Variants in KCNQ1 observed in about 807,000 individuals in gnomAD.
KCNQ1 encodes potassium voltage-gated channel subfamily KQT member 1.
A neutral mutation model predicts 72.4 loss-of-function variants in KCNQ1; 49 were observed. The ratio of observed to expected loss-of-function variants is 0.68; its 90% confidence interval spans 0.54 to 0.86. The LOEUF is 0.86. KCNQ1 is among the 40% of genes least tolerant of loss of function. The pLI is 0.00. For missense variants in KCNQ1, 790 were observed against 945.1 expected, an observed-to-expected ratio of 0.84 and a Z score of 2.15; for synonymous variants, 450 against 412.6, an observed-to-expected ratio of 1.09 and a Z score of -1.10.
At chr11:2,540,427 T>C (rs1210828476) in intron 2 of KCNQ1, among the ~76,000 whole-genome samples, 1 of 152,200 alleles carries the variant, frequency 6.6e-6, no homozygotes, top group Non-Finnish European at 1.5e-5. Flanking sequence ...CCCAGCCCCC[T>C]GTTCAGGGCC....
intron 10 of KCNQ1, chr11:2,618,239 G>A (rs948117209): frequency 5.0e-6 from 2 of 398,220 alleles, no homozygotes; most frequent in Admixed American, 4.4e-5. Flanking sequence ...GCTTCCCGGG[G>A]CCACACTGTA....
chr11:2,463,418 AG>A lies in KCNQ1; in HGVS notation c.386+17936del, dbSNP rs1303421073. Among the ~76,000 whole-genome samples, 1 of 152,170 alleles carries A rather than the reference AG, an allele frequency of 6.6e-6. No homozygotes were observed. Reference sequence around the variant, plus strand: ...AGCTGCACGGAGGCGCAGCACCCACAGGACAAGTGGTGGAATGTTCTGGTTG... The same window carrying A: ...AGCTGCACGGAGGCGCAGCACCCACAGACAAGTGGTGGAATGTTCTGGTTG... On this transcript the variant is annotated intron_variant, in intron 1 of 15. Coordinates refer to ENST00000155840, the MANE Select transcript of KCNQ1 (RefSeq NM_000218.3). The surrounding 1 kb of genome is among the most constrained non-coding windows in gnomAD (Gnocchi z 7.0).
intron 10 of KCNQ1, chr11:2,660,077 C>T (rs1021121831): frequency 3.0e-5 from 12 of 398,226 alleles, no homozygotes; most frequent in African/African-American, 1.4e-4. Flanking sequence ...TTTTCTCTTA[C>T]GAGTTAAACT....
intron 10 of KCNQ1, chr11:2,643,723 T>G: frequency 2.5e-6 from 1 of 398,560 alleles, no homozygotes. Context: ...TTTCATGAAG[T>G]TGTCCTTTCA....
intron 11 of KCNQ1, chr11:2,667,495 C>T (rs976838160): frequency 3.5e-5 from 14 of 398,190 alleles, no homozygotes; most frequent in African/African-American, 1.2e-4. Flanking sequence ...AGAACATTCA[C>T]GCCACAGAGG....
chr11:2,768,424 C>A lies in KCNQ1; in HGVS notation c.1515-420C>A, dbSNP rs908908160. On this transcript the variant is annotated intron_variant, in intron 11 of 15. Coordinates refer to ENST00000155840, the MANE Select transcript of KCNQ1 (RefSeq NM_000218.3). The surrounding 1 kb of genome is among the most constrained non-coding windows in gnomAD (Gnocchi z 6.7). ...CTGTTTGTGGGGCTACAGGACACAG[C>A]AGCTGAAAGGGGCTGTGGGCATCGC... 6.6e-6 allele frequency among the ~76,000 whole-genome samples: 1 copy of A among 152,150 alleles called. No homozygotes were observed. The highest frequency in any genetic ancestry group is 2.4e-5 in the African/African-American group (1 of 41,440).
In KCNQ1 at chr11:2,803,389, G is replaced by A. The variant is rs564737145; in HGVS notation, c.1794+25352G>A. Among the ~76,000 whole-genome samples, 6 of 152,338 alleles carry A rather than the reference G, an allele frequency of 3.9e-5. No homozygotes were observed. The highest frequency in any genetic ancestry group is 1.4e-4 in the African/African-American group (6 of 41,578). On this transcript the variant is annotated intron_variant, in intron 15 of 15. Coordinates refer to ENST00000155840, the MANE Select transcript of KCNQ1 (RefSeq NM_000218.3). The surrounding 1 kb of genome is among the most constrained non-coding windows in gnomAD (Gnocchi z 6.4). ...TGGAGGATGTGGCAGAGTTCCCATGGTGTGTGTAGAATGATATTCCCTCCA... is the reference window on the plus strand; with the variant it reads ...TGGAGGATGTGGCAGAGTTCCCATGATGTGTGTAGAATGATATTCCCTCCA...
At position 2,669,068 on chromosome 11, in the gene KCNQ1, C is replaced by A; in HGVS notation, c.1514+6987C>A. The stretch of plus-strand genomic sequence containing the variant: ...GGGAAGGCCCGTCCTCTCCCAACTA[C>A]CCTGCCGTATCAGTGTCTTTACAAT... On this transcript the variant is annotated intron_variant, in intron 11 of 15. Transcript: ENST00000155840. This position sits in a 1 kb window ranked among gnomAD's most constrained non-coding sequence, Gnocchi z 5.6. The A allele has an allele frequency of 2.5e-6, 1 of 398,730 alleles. No homozygotes were observed. 24.7% of individuals were successfully genotyped at this position (398,730 alleles called of 1,614,324 possible).
At chr11:2,500,748 A>G (rs1256990076) in intron 1 of KCNQ1, among the ~76,000 whole-genome samples, 1 of 152,146 alleles carries the variant, frequency 6.6e-6, no homozygotes, top group Non-Finnish European at 1.5e-5. Context: ...GCTGGAAACC[A>G]TCATTCTCAG....
At chr11:2,807,355 C>G (rs1041518830) in intron 15 of KCNQ1, among the ~76,000 whole-genome samples, 2 of 152,136 alleles carry the variant, frequency 1.3e-5, no homozygotes, top group African/African-American at 4.8e-5. Flanking sequence ...GAAAAGCCCC[C>G]GCTTTGATGT....
rs549262591 is a variant in KCNQ1, at chr11:2,735,778, G to A, written c.1515-33066G>A. Among the ~76,000 whole-genome samples, 30 of 152,234 alleles carry A rather than the reference G, an allele frequency of 2.0e-4. 1 individual carries two copies. The South Asian group carries it at 3.7e-3, about 19-fold the overall frequency. On this transcript the variant is annotated intron_variant, in intron 11 of 15. Transcript: ENST00000155840. This position sits in a 1 kb window ranked among gnomAD's most constrained non-coding sequence, Gnocchi z 7.7. The stretch of plus-strand genomic sequence containing the variant: ...GTGGCTTGTAGACATCACCTTCCCC[G>A]GTGTTCTCATGGGGCCATCCCTCTG...
chr11:2,816,499 C>T lies in KCNQ1; in HGVS notation c.1795-31268C>T, dbSNP rs1036960616. 2.6e-5 allele frequency among the ~76,000 whole-genome samples: 4 copies of T among 152,152 alleles called. No homozygotes were observed. The highest frequency in any genetic ancestry group is 4.4e-5 in the Non-Finnish European group (3 of 68,024). On this transcript the variant is annotated intron_variant, in intron 15 of 15. Transcript: ENST00000155840. The surrounding 1 kb of genome is among the most constrained non-coding windows in gnomAD (Gnocchi z 6.8). ...GAATGGCTTCTGGGTTGTGCGTCAT[C>T]GCTGTCCAGGAGTGGTGAAAAGCTG...
In KCNQ1 at chr11:2,611,678, TTTA is replaced by T; in HGVS notation, c.1393+22827_1393+22829del. Reference sequence around the variant, plus strand: ...TAAGGCAGTCTGGCAATCTCTGCTCTTTATTGAGTTTTTAATTCACTTATATGT... The same window carrying T: ...TAAGGCAGTCTGGCAATCTCTGCTCTTTGAGTTTTTAATTCACTTATATGT... On this transcript the variant is annotated intron_variant, in intron 10 of 15. Transcript: ENST00000155840. This position sits in a 1 kb window ranked among gnomAD's most constrained non-coding sequence, Gnocchi z 5.3. The T allele has an allele frequency of 2.5e-6, 1 of 398,616 alleles. No individual in the cohort carries two copies. 24.7% of individuals were successfully genotyped at this position (398,616 alleles called of 1,614,324 possible).
chr11:2,700,922 C>T (rs1210841118), intron 11 of KCNQ1, among the ~76,000 whole-genome samples: 1 of 152,264 alleles, frequency 6.6e-6, no homozygotes, highest in African/African-American at 2.4e-5. Context: ...AAAGCCCCCT[C>T]TAGAAGTTCA....
chr11:2,496,522 C>CTTTTTTTTTTTTTTTTTTTATTT (rs1589912666), intron 1 of KCNQ1, among the ~76,000 whole-genome samples: 1 of 68,530 alleles, frequency 1.5e-5, no homozygotes, highest in Non-Finnish European at 2.7e-5. Context: ...TTTTTTTTTG[C>CTTTTTTTTTTTTTTTTTTTATTT]TTTCCATTGC....
rs1016882917 is a variant in KCNQ1 at position 2,711,158 on chromosome 11, C to T, written c.1514+49077C>T. Among the ~76,000 whole-genome samples the T allele has an allele frequency of 2.0e-5, 3 of 152,192 alleles. No individual in the cohort carries two copies. The highest frequency in any genetic ancestry group is 4.4e-5 in the Non-Finnish European group (3 of 68,044). ...TTTTAAAAATTTGGTTCAAGAATAT[C>T]TCATAGTTTTCAGTATAGTTTTTGC... On this transcript the variant is annotated intron_variant, in intron 11 of 15. Coordinates refer to ENST00000155840, the MANE Select transcript of KCNQ1 (RefSeq NM_000218.3). This position sits in a 1 kb window ranked among gnomAD's most constrained non-coding sequence, Gnocchi z 5.4.
At position 2,621,376 on chromosome 11, in the gene KCNQ1, C is replaced by A; in HGVS notation, c.1393+32522C>A. 1 of 398,544 alleles carries A rather than the reference C, an allele frequency of 2.5e-6. No homozygotes were observed. Among genetic ancestry groups the A allele is most frequent in the Non-Finnish European group, 4.4e-6 (1 of 226,048 alleles). The allele number at this position is 398,544 out of a possible 1,614,324, so 24.7% of individuals were successfully genotyped here. On this transcript the variant is annotated intron_variant, in intron 10 of 15. Coordinates refer to ENST00000155840, the MANE Select transcript of KCNQ1 (RefSeq NM_000218.3). This position sits in a 1 kb window ranked among gnomAD's most constrained non-coding sequence, Gnocchi z 5.7. ...AAGAAATGTATGTTCCTGTCCTTTGCCAATTCAATTGGATTATTCGTTTTT... is the reference window on the plus strand; with the variant it reads ...AAGAAATGTATGTTCCTGTCCTTTGACAATTCAATTGGATTATTCGTTTTT...
intron 11 of KCNQ1, among the ~76,000 whole-genome samples, chr11:2,737,139 C>A (rs914620587): frequency 1.3e-5 from 2 of 152,180 alleles, no homozygotes; most frequent in Non-Finnish European, 2.9e-5. Flanking sequence ...AGGGAGGACT[C>A]CCCCAGGAGA....
intron 15 of KCNQ1, among the ~76,000 whole-genome samples, chr11:2,832,419 G>A (rs558119582): frequency 3.9e-5 from 6 of 152,266 alleles, no homozygotes; most frequent in East Asian, 1.9e-4. Context: ...AGCTCCGACC[G>A]CACAGGGTCA....
Sources: gnomAD v4.1 joint callset for allele counts (sites outside exome capture counted in the v4.1 genomes callset) on GRCh38, gnomAD v4.1.1 for gene constraint, Gnocchi (gnomAD v3.1) non-coding constraint, MANE v1.5 for transcripts, NCBI Gene and HGNC (gene_info 2026-07-23, HGNC 2026-07-21) for gene names.